Variants in GNAQ observed in about 807,000 individuals in gnomAD.
The protein encoded by GNAQ is guanine nucleotide-binding protein G(q) subunit alpha.
A neutral mutation model predicts 43.9 loss-of-function variants in GNAQ; 8 were observed. The observed-to-expected ratio is 0.18, with a 90% confidence interval of 0.11 to 0.33. The LOEUF (loss-of-function observed/expected upper bound fraction) is 0.33, where lower values mean the gene tolerates loss of function less well. Among genes scored for constraint, GNAQ ranks in the 10% least tolerant of loss-of-function variants. GNAQ has a pLI of 1.00. For synonymous variants in GNAQ, 155 were observed against 170.7 expected (o/e 0.91, Z 0.71); for missense variants, 158 against 450.8 (o/e 0.35, Z 5.88).
intron 5 of GNAQ, among the ~76,000 whole-genome samples, chr9:77,781,906 A>G (rs1415325165): frequency 6.6e-6 from 1 of 152,176 alleles, no homozygotes; most frequent in African/African-American, 2.4e-5. Flanking sequence ...TACAGCTAAT[A>G]TCATATTTAA....
chr9:77,841,106 A>G (rs1391525022), intron 2 of GNAQ, among the ~76,000 whole-genome samples: 2 of 152,162 alleles, frequency 1.3e-5, no homozygotes, highest in Admixed American at 6.5e-5. Flanking sequence ...CAAACAAAAA[A>G]ACCCCAGCCC....
At chr9:77,824,731 A>T (rs1333055408) in intron 2 of GNAQ, among the ~76,000 whole-genome samples, 2 of 152,226 alleles carry the variant, frequency 1.3e-5, no homozygotes, top group Non-Finnish European at 2.9e-5. Context: ...ATTTCACTTT[A>T]TCAGCATGAA....
In GNAQ at chr9:77,728,638, A is replaced by T; in HGVS notation, c.765T>A (p.Phe255Leu). 6.2e-7 allele frequency: 1 copy of T among 1,608,908 alleles called. No individual in the cohort carries two copies. Among genetic ancestry groups the T allele is most frequent in the South Asian group, 1.1e-5 (1 of 90,936 alleles). The change falls in exon 6 of 7, where the codon TTT becomes TTA. Residue 255 changes from phenylalanine to leucine, a missense_variant. Coordinates refer to ENST00000286548, the MANE Select transcript of GNAQ (RefSeq NM_002072.5). ...ACCAGGGGTATGTGATAATTGTTCT[A>T]AAGAGAGCCTTGCTTTCCTCCATTC... ...ENRMEESKAL[F>L]RTIITYPWFQ...
chr9:77,862,605 T>C (rs991082320), intron 2 of GNAQ, among the ~76,000 whole-genome samples: 2 of 152,144 alleles, frequency 1.3e-5, no homozygotes, highest in African/African-American at 4.8e-5. Context: ...TGGAACCATT[T>C]TTCCCTCCTA....
At chr9:77,827,785 C>T (rs2378084) in intron 2 of GNAQ, among the ~76,000 whole-genome samples, 1 of 151,896 alleles carries the variant, frequency 6.6e-6, no homozygotes, top group Non-Finnish European at 1.5e-5. Flanking sequence ...CTTTCTAGAG[C>T]ATCAACATTT....
chr9:78,013,284 T>C (rs911280185), intron 1 of GNAQ, among the ~76,000 whole-genome samples: 1 of 151,688 alleles, frequency 6.6e-6, no homozygotes, highest in Non-Finnish European at 1.5e-5. Context: ...CCCTTAGCCA[T>C]TGACAATTTT....
intron 5 of GNAQ, among the ~76,000 whole-genome samples, chr9:77,731,717 T>C (rs1415419643): frequency 6.6e-6 from 1 of 152,130 alleles, no homozygotes; most frequent in Admixed American, 6.5e-5. Flanking sequence ...TACTTCAGCA[T>C]GGGGTGGAGC....
intron 1 of GNAQ, among the ~76,000 whole-genome samples, chr9:77,975,279 T>G (rs1158188031): frequency 1.3e-5 from 2 of 152,198 alleles, no homozygotes; most frequent in Non-Finnish European, 1.5e-5. Flanking sequence ...AAGCTCTCAC[T>G]GCTAGCAATT....
At chr9:77,850,802 G>T (rs545594019) in intron 2 of GNAQ, among the ~76,000 whole-genome samples, 2 of 152,018 alleles carry the variant, frequency 1.3e-5, no homozygotes, top group African/African-American at 4.8e-5. Flanking sequence ...CTTCATGACC[G>T]ACTCAAATGC....
At chr9:77,836,322 C>T (rs1221800257) in intron 2 of GNAQ, among the ~76,000 whole-genome samples, 3 of 152,110 alleles carry the variant, frequency 2.0e-5, no homozygotes, top group African/African-American at 7.2e-5. Context: ...TTAGTCAATG[C>T]CCAGCAGGAG....
At chr9:77,992,877 G>A (rs1823525847) in intron 1 of GNAQ, among the ~76,000 whole-genome samples, 1 of 152,062 alleles carries the variant, frequency 6.6e-6, no homozygotes, top group Non-Finnish European at 1.5e-5. Flanking sequence ...CCCGGGAGGT[G>A]GAGGTTGCAG....
At chr9:77,798,241 A>G (rs139978693) in intron 3 of GNAQ, among the ~76,000 whole-genome samples, 109 of 152,258 alleles carry the variant, frequency 7.2e-4, no homozygotes, top group Middle Eastern at 3.4e-3. Context: ...GATATTCCCA[A>G]TGTTTGGAGT....
At chr9:77,763,877 A>G (rs1209011535) in intron 5 of GNAQ, among the ~76,000 whole-genome samples, 2 of 152,214 alleles carry the variant, frequency 1.3e-5, no homozygotes, top group Non-Finnish European at 2.9e-5. Context: ...AAGCCTATAT[A>G]AATATCCCAC....
At chr9:78,022,405 T>C (rs527892774) in intron 1 of GNAQ, among the ~76,000 whole-genome samples, 4 of 152,316 alleles carry the variant, frequency 2.6e-5, no homozygotes, top group South Asian at 2.1e-4. Flanking sequence ...AGGTTAGTTA[T>C]GTGGGAAAAA....
At chr9:77,915,951 T>A (rs1828895690) in intron 2 of GNAQ, among the ~76,000 whole-genome samples, 1 of 152,178 alleles carries the variant, frequency 6.6e-6, no homozygotes. Flanking sequence ...TCAGGGGCTG[T>A]CAATCATATT....
At chr9:77,759,991 C>T (rs1351941296) in intron 5 of GNAQ, among the ~76,000 whole-genome samples, 1 of 148,664 alleles carries the variant, frequency 6.7e-6, no homozygotes. Flanking sequence ...AACCCCTGGG[C>T]ACAAAGTGAT....
intron 2 of GNAQ, among the ~76,000 whole-genome samples, chr9:77,894,819 AT>A (rs150245313): frequency 0.44 from 66,766 of 151,764 alleles, 17,068 homozygotes; most frequent in Non-Finnish European, 0.57. Flanking sequence ...AGAAGTGTTT[AT>A]TTATATAATA....
chr9:77,869,972 C>A (rs1037048049), intron 2 of GNAQ, among the ~76,000 whole-genome samples: 17 of 152,168 alleles, frequency 1.1e-4, no homozygotes, highest in African/African-American at 4.1e-4. Flanking sequence ...GACATAGATT[C>A]TCTTCTAGAT....
intron 2 of GNAQ, among the ~76,000 whole-genome samples, chr9:77,816,190 G>A (rs1051005878): frequency 2.0e-5 from 3 of 152,076 alleles, no homozygotes; most frequent in Non-Finnish European, 4.4e-5. Context: ...CAGCTTATGG[G>A]TGTTGTATGT....
Sources: allele counts gnomAD v4.1 joint callset (sites outside exome capture counted in the v4.1 genomes callset), GRCh38; gene constraint gnomAD v4.1.1; transcripts MANE v1.5; gene names NCBI Gene and HGNC (gene_info 2026-07-23, HGNC 2026-07-21).